Variants in PLA2G2C observed in about 807,000 individuals in gnomAD.
PLA2G2C encodes putative inactive group IIC secretory phospholipase A2.
PLA2G2C carries 15 observed loss-of-function variants against 14.3 expected under a neutral mutation model. The ratio of observed to expected loss-of-function variants is 1.05; its 90% CI spans 0.70 to 1.62. PLA2G2C has a LOEUF of 1.62. Ranked by LOEUF, PLA2G2C falls within the 40% of genes most tolerant of loss-of-function variation. The pLI is 0.00. For missense variants in PLA2G2C, 162 were observed against 173.2 expected, an observed-to-expected ratio of 0.94 and a Z score of 0.36; for synonymous variants, 79 against 67.7, an observed-to-expected ratio of 1.17 and a Z score of -0.82.
intron 3 of PLA2G2C, among the ~76,000 whole-genome samples, chr1:20,174,270 C>T (rs2018139797): frequency 1.3e-5 from 2 of 152,184 alleles, no homozygotes; most frequent in Non-Finnish European, 2.9e-5. Context: ...TGGCAAGGAA[C>T]ATTTTGCTTT....
At chr1:20,182,578 T>C (rs2100726512) in intron 1 of PLA2G2C, among the ~76,000 whole-genome samples, 1 of 152,362 alleles carries the variant, frequency 6.6e-6, no homozygotes, top group African/African-American at 2.4e-5. Flanking sequence ...AAGTGACCCA[T>C]GTCTGTACTT....
At chr1:20,169,523 G>A (rs1422385634) in intron 4 of PLA2G2C, among the ~76,000 whole-genome samples, 4 of 152,174 alleles carry the variant, frequency 2.6e-5, no homozygotes, top group African/African-American at 9.7e-5. Context: ...ACCATAGCCC[G>A]ATGGGCACAA....
At chr1:20,182,517 C>A (rs1052815811) in intron 1 of PLA2G2C, among the ~76,000 whole-genome samples, 1 of 152,178 alleles carries the variant, frequency 6.6e-6, no homozygotes, top group Non-Finnish European at 1.5e-5. Context: ...AATGTTTGCA[C>A]AATGAAAAAA....
intron 2 of PLA2G2C, 130 bp from the exon 3 acceptor site, chr1:20,175,275 G>A (rs1299041621): frequency 2.2e-6 from 3 of 1,335,430 alleles, no homozygotes; most frequent in African/African-American, 2.9e-5. Context: ...GAAGTGCAAG[G>A]GGCATGGCTG....
intron 1 of PLA2G2C, among the ~76,000 whole-genome samples, chr1:20,183,385 C>T (rs941134587): frequency 1.3e-5 from 2 of 152,170 alleles, no homozygotes; most frequent in Non-Finnish European, 2.9e-5. Context: ...TGGGGGAACA[C>T]GCAGGTGAGG....
At chr1:20,173,310 C>T (rs1021102370) in intron 3 of PLA2G2C, among the ~76,000 whole-genome samples, 8 of 151,840 alleles carry the variant, frequency 5.3e-5, no homozygotes, top group African/African-American at 9.7e-5. Context: ...AGCAAGACCC[C>T]GTCTCCCAAA....
At chr1:20,164,933 G>C (rs568943469) in intron 4 of PLA2G2C, among the ~76,000 whole-genome samples, 1 of 152,256 alleles carries the variant, frequency 6.6e-6, no homozygotes, top group South Asian at 2.1e-4. Context: ...CCTCCTTCAC[G>C]GAAGGAAATA....
intron 1 of PLA2G2C, among the ~76,000 whole-genome samples, chr1:20,178,833 G>A (rs1470026357): frequency 6.6e-6 from 1 of 151,110 alleles, no homozygotes; most frequent in Admixed American, 6.6e-5. Flanking sequence ...TGGCTAGAGA[G>A]ACCAAATAGG....
chr1:20,179,617 C>A (rs2018246172), intron 1 of PLA2G2C, among the ~76,000 whole-genome samples: 1 of 144,958 alleles, frequency 6.9e-6, no homozygotes, highest in Non-Finnish European at 1.5e-5. Flanking sequence ...CCCTCTGTGT[C>A]AGTTTCTGTG....
intron 1 of PLA2G2C, among the ~76,000 whole-genome samples, chr1:20,178,821 G>C (rs925001195): frequency 1.3e-5 from 2 of 152,236 alleles, no homozygotes; most frequent in African/African-American, 4.8e-5. Flanking sequence ...AAGCTGCCAA[G>C]CTGGCTAGAG....
At chr1:20,174,299 T>C (rs997487212) in intron 3 of PLA2G2C, among the ~76,000 whole-genome samples, 2 of 152,178 alleles carry the variant, frequency 1.3e-5, no homozygotes, top group Non-Finnish European at 2.9e-5. Flanking sequence ...TTCAAATGAA[T>C]TGACACGCAA....
chr1:20,173,495 T>G (rs1158432661), intron 3 of PLA2G2C, among the ~76,000 whole-genome samples: 1 of 152,180 alleles, frequency 6.6e-6, no homozygotes, highest in Non-Finnish European at 1.5e-5. Context: ...CTTAGGCAGC[T>G]GGAGAATGAT....
At chr1:20,168,988 A>G (rs1350535490) in intron 4 of PLA2G2C, among the ~76,000 whole-genome samples, 1 of 151,942 alleles carries the variant, frequency 6.6e-6, no homozygotes, top group East Asian at 1.9e-4. Context: ...TGGACAGACC[A>G]AGTTGTTTTC....
intron 4 of PLA2G2C, among the ~76,000 whole-genome samples, chr1:20,171,401 G>T (rs986326712): frequency 6.6e-6 from 1 of 152,208 alleles, no homozygotes; most frequent in Admixed American, 6.5e-5. Context: ...CAGGCCAAGA[G>T]CTGAGGCAGG....
At chr1:20,177,960 T>C (rs1389904821) in intron 1 of PLA2G2C, among the ~76,000 whole-genome samples, 2 of 152,232 alleles carry the variant, frequency 1.3e-5, no homozygotes, top group African/African-American at 4.8e-5. Context: ...AGGTATTACA[T>C]GGTTTGACCC....
Position 20,177,442 on chromosome 1 carries a change from G to T in PLA2G2C, c.-76-3C>A. ...TGAGGGGTCTCCCAGCTGAACCTCTGTTCCAGGACAAAATGACCAAAATGA... is the reference window on the plus strand; with the variant it reads ...TGAGGGGTCTCCCAGCTGAACCTCTTTTCCAGGACAAAATGACCAAAATGA... On this transcript the variant is annotated splice_polypyrimidine_tract_variant and splice_region_variant and intron_variant, in intron 1 of 4. Coordinates refer to ENST00000679259, the MANE Select transcript of PLA2G2C (RefSeq NM_001367969.2). The T allele has an allele frequency of 1.7e-6, 1 of 600,834 alleles. No individual in the cohort carries two copies. Among genetic ancestry groups the T allele is most frequent in the South Asian group, 2.0e-5 (1 of 50,914 alleles). The allele number at this position is 600,834 out of a possible 1,614,324, so 37.2% of individuals were successfully genotyped here. A position where few individuals can be genotyped will look rare whatever the true frequency, so the allele number is the denominator to read the frequency against.
intron 2 of PLA2G2C, among the ~76,000 whole-genome samples, chr1:20,175,749 G>A (rs114795000): frequency 8.9e-4 from 136 of 152,132 alleles, no homozygotes; most frequent in Middle Eastern, 3.4e-3. Context: ...ACCGACAGGG[G>A]GATAATAACA....
rs2018203868 is a variant in PLA2G2C at position 20,177,323 on chromosome 1, C to T, written c.40+1G>A. 7.1e-6 allele frequency: 5 copies of T among 700,818 alleles called. No individual in the cohort carries two copies. Among genetic ancestry groups the T allele is most frequent in the South Asian group, 1.5e-5 (1 of 67,480 alleles). The allele number at this position is 700,818 out of a possible 1,614,324, so 43.4% of individuals were successfully genotyped here. A position where few individuals can be genotyped will look rare whatever the true frequency, so the allele number is the denominator to read the frequency against. ...GCTGACCCACCAAGCTCTCTACTTA[C>T]AGCAGAAGAGGAGGAGGGTGAGGAT... is the stretch of plus-strand genomic sequence containing the variant. On this transcript the variant is annotated splice_donor_variant, in intron 2 of 4. Transcript: ENST00000679259. LOFTEE classifies it high-confidence loss of function.
chr1:20,174,908 T>C, intron 3 of PLA2G2C, 99 bp downstream of exon 3: 1 of 1,238,194 alleles, frequency 8.1e-7, no homozygotes, highest in Middle Eastern at 2.2e-4. Context: ...TTGTTTTCTG[T>C]TATTTGCCAG....
Sources: gnomAD v4.1 joint callset for allele counts (sites outside exome capture counted in the v4.1 genomes callset) on GRCh38, gnomAD v4.1.1 for gene constraint, MANE v1.5 for transcripts, NCBI Gene and HGNC (gene_info 2026-07-23, HGNC 2026-07-21) for gene names.